The following PTPRM variants were observed in gnomAD, a reference collection of about 807,000 sequenced individuals.
The protein encoded by PTPRM is receptor-type tyrosine-protein phosphatase mu.
In PTPRM, 47 loss-of-function variants were observed where a neutral mutation model predicts 186.7. The observed-to-expected ratio is 0.25, with a 90% CI of 0.20 to 0.32. PTPRM has a LOEUF of 0.32. Ranked by LOEUF, PTPRM falls within the 10% of genes least tolerant of loss-of-function variation. The pLI, the probability that PTPRM is intolerant of heterozygous loss-of-function variation, is 1.00. For synonymous variants in PTPRM, 668 were observed against 674.9 expected (o/e 0.99, Z 0.16); for missense variants, 1,494 against 1,865.0 (o/e 0.80, Z 3.66).
intron 7 of PTPRM, among the ~76,000 whole-genome samples, chr18:7,966,597 G>C (rs1032505167): frequency 2.1e-5 from 3 of 139,546 alleles, no homozygotes; most frequent in African/African-American, 7.5e-5. Flanking sequence ...CAGTGGGTGC[G>C]CGCACCGTGC....
chr18:8,335,668 A>G (rs1163084287), intron 22 of PTPRM, among the ~76,000 whole-genome samples: 1 of 152,224 alleles, frequency 6.6e-6, no homozygotes, highest in Non-Finnish European at 1.5e-5. Context: ...TGAAACTTTC[A>G]CTTACGGGTT....
intron 22 of PTPRM, among the ~76,000 whole-genome samples, chr18:8,330,972 C>T (rs766730443): frequency 6.6e-6 from 1 of 151,674 alleles, no homozygotes; most frequent in Non-Finnish European, 1.5e-5. Flanking sequence ...TGTTGCCACA[C>T]ACTACCTACC....
intron 2 of PTPRM, among the ~76,000 whole-genome samples, chr18:7,777,163 A>G (rs2042627757): frequency 6.6e-6 from 1 of 152,186 alleles, no homozygotes; most frequent in African/African-American, 2.4e-5. Context: ...TATGTAAAAT[A>G]CTATTGGATT....
chr18:8,053,135 C>A (rs1187422174), intron 7 of PTPRM, among the ~76,000 whole-genome samples: 1 of 152,004 alleles, frequency 6.6e-6, no homozygotes, highest in East Asian at 1.9e-4. Context: ...TACTAAATAC[C>A]TCTTTATATC....
intron 7 of PTPRM, among the ~76,000 whole-genome samples, chr18:8,008,431 T>G (rs1182692539): frequency 6.6e-6 from 1 of 152,150 alleles, no homozygotes; most frequent in East Asian, 1.9e-4. Context: ...TGTTTTATAT[T>G]TTAAAATAAA....
intron 14 of PTPRM, among the ~76,000 whole-genome samples, chr18:8,214,111 G>C (rs770316504): frequency 2.6e-5 from 4 of 152,128 alleles, no homozygotes; most frequent in Non-Finnish European, 4.4e-5. Flanking sequence ...GACTCGGAGG[G>C]GGGCAGGTAG....
At chr18:8,321,966 C>T (rs2095348505) in intron 22 of PTPRM, among the ~76,000 whole-genome samples, 1 of 152,008 alleles carries the variant, frequency 6.6e-6, no homozygotes, top group African/African-American at 2.4e-5. Flanking sequence ...AGAATATGTT[C>T]GTAGATCACC....
At chr18:7,994,338 G>C (rs1226126005) in intron 7 of PTPRM, among the ~76,000 whole-genome samples, 1 of 151,724 alleles carries the variant, frequency 6.6e-6, no homozygotes, top group East Asian at 1.9e-4. Flanking sequence ...AATATCATTA[G>C]CGCTAATGGA....
intron 2 of PTPRM, among the ~76,000 whole-genome samples, chr18:7,805,620 C>T (rs1368018176): frequency 6.6e-6 from 1 of 152,300 alleles, no homozygotes; most frequent in East Asian, 1.9e-4. Flanking sequence ...TCAATACTTA[C>T]TTGTTCTGTG....
chr18:7,642,512 C>G (rs1173132036), intron 1 of PTPRM, among the ~76,000 whole-genome samples: 1 of 152,058 alleles, frequency 6.6e-6, no homozygotes, highest in Non-Finnish European at 1.5e-5. Context: ...AGCTAAGCAA[C>G]CAGAAGAACC....
intron 7 of PTPRM, among the ~76,000 whole-genome samples, chr18:8,063,524 G>A (rs919040858): frequency 6.6e-6 from 1 of 152,098 alleles, no homozygotes. Flanking sequence ...AATAAAATAT[G>A]ACATGTTATC....
intron 5 of PTPRM, among the ~76,000 whole-genome samples, chr18:7,939,776 G>A (rs2052051872): frequency 6.6e-6 from 1 of 152,124 alleles, no homozygotes; most frequent in Non-Finnish European, 1.5e-5. Context: ...ACTCTCATAT[G>A]GTAAAGAACA....
chr18:8,304,154 C>T (rs2095193342), intron 20 of PTPRM, among the ~76,000 whole-genome samples: 1 of 152,186 alleles, frequency 6.6e-6, no homozygotes, highest in Non-Finnish European at 1.5e-5. Flanking sequence ...GTGGGAATAT[C>T]TAATCACACA....
At chr18:7,725,588 C>A (rs2040531847) in intron 1 of PTPRM, among the ~76,000 whole-genome samples, 1 of 145,010 alleles carries the variant, frequency 6.9e-6, no homozygotes, top group South Asian at 2.1e-4. Context: ...CAGAGCTCTG[C>A]CAGCAGAGGG....
chr18:8,144,600 AAAAC>A (rs145908818), intron 14 of PTPRM, among the ~76,000 whole-genome samples: 6,484 of 152,188 alleles, frequency 0.043, 203 homozygotes, highest in Middle Eastern at 0.15. Context: ...CCTGTCTCCA[AAAAC>A]AAACAAACAA....
At position 7,882,002 on chromosome 18, in the gene PTPRM, G is replaced by A. The variant is rs544221405; in HGVS notation, c.197-6104G>A. Among the ~76,000 whole-genome samples, 4 of 152,096 alleles carry A rather than the reference G, an allele frequency of 2.6e-5. No homozygotes were observed. The South Asian group carries it at 8.3e-4, about 32-fold the overall frequency. ...TTTCTTTCAATTTTCCTCATCTGCT[G>A]TTGAGGAAAAATGTATATTTGGGTA... On this transcript the variant is annotated intron_variant, in intron 2 of 32. Transcript: ENST00000580170.
chr18:8,387,375 G>A (rs1051521524), intron 31 of PTPRM, 140 bp downstream of exon 31: 1 of 871,270 alleles, frequency 1.1e-6, no homozygotes, highest in East Asian at 2.7e-5. Context: ...ATGACACTCA[G>A]TGAGGGATTG....
intron 1 of PTPRM, among the ~76,000 whole-genome samples, chr18:7,707,571 C>T (rs1484245385): frequency 4.6e-5 from 7 of 151,952 alleles, no homozygotes; most frequent in Non-Finnish European, 7.4e-5. Flanking sequence ...CCCAGGAATT[C>T]GAGGCTACGG....
chr18:7,662,587 A>G (rs946697650), intron 1 of PTPRM, among the ~76,000 whole-genome samples: 1 of 152,144 alleles, frequency 6.6e-6, no homozygotes, highest in Non-Finnish European at 1.5e-5. Flanking sequence ...TAGTGGGGAA[A>G]GAGGGAGGGT....
Sources: gnomAD v4.1 joint callset for allele counts (sites outside exome capture counted in the v4.1 genomes callset) on GRCh38, gnomAD v4.1.1 for gene constraint, MANE v1.5 for transcripts, NCBI Gene and HGNC (gene_info 2026-07-23, HGNC 2026-07-21) for gene names.